ARF3: variants seen among roughly 807,000 people sequenced by gnomAD.
The protein encoded by ARF3 is ADP-ribosylation factor 3.
In ARF3, 5 loss-of-function variants were observed where a neutral mutation model predicts 19.3. That is an observed-to-expected ratio of 0.26 (90% CI 0.14 to 0.54). The LOEUF (loss-of-function observed/expected upper bound fraction) is 0.54, where lower values mean the gene tolerates loss of function less well. Ranked by LOEUF, ARF3 falls within the 20% of genes least tolerant of loss-of-function variation. The pLI, the probability that ARF3 is intolerant of heterozygous loss-of-function variation, is 0.95. For missense variants in ARF3, 77 were observed against 234.2 expected, an observed-to-expected ratio of 0.33 and a Z score of 4.38; for synonymous variants, 71 against 89.2, an observed-to-expected ratio of 0.80 and a Z score of 1.15.
At chr12:48,941,309 T>C (rs1055285521) in intron 1 of ARF3, 121 bp from the exon 2 acceptor site, 15 of 520,446 alleles carry the variant, frequency 2.9e-5, no homozygotes, top group Non-Finnish European at 4.6e-5. Context: ...GAGGGGACTA[T>C]AAATACCAAG....
At chr12:48,953,007 T>A (rs543304803) in intron 1 of ARF3, 1 of 152,324 alleles carries the variant, frequency 6.6e-6, no homozygotes, top group Admixed American at 6.5e-5. Context: ...TATACCATGA[T>A]GAGAAAAAGG....
chr12:48,940,001 G>A lies in ARF3; in HGVS notation c.255C>T (p.Thr85=). 6.2e-7 allele frequency: 1 copy of A among 1,613,974 alleles called. No homozygotes were observed. The highest frequency in any genetic ancestry group is 8.5e-7 in the Non-Finnish European group (1 of 1,179,862). ...RPLWRHYFQN[T]QGLIFVVDSN... Reference sequence around the variant, plus strand: ...CCACGCTAGGCCTGAGCATACCTTGGGTGTTCTGGAAGTAGTGTCTCCAGA... The same window carrying A: ...CCACGCTAGGCCTGAGCATACCTTGAGTGTTCTGGAAGTAGTGTCTCCAGA... The change falls in exon 3 of 5, where the codon ACC becomes ACT. Residue 85 remains threonine, a synonymous_variant. Coordinates refer to ENST00000256682, the MANE Select transcript of ARF3 (RefSeq NM_001659.3).
intron 1 of ARF3, chr12:48,953,026 T>G (rs1039248495): frequency 1.3e-5 from 2 of 152,346 alleles, no homozygotes; most frequent in Admixed American, 1.3e-4. Flanking sequence ...GGCTGGAAAG[T>G]ACCTCACTAG....
Position 48,939,851 on chromosome 12 carries a change from GCCTGACAC to G in ARF3, c.260-80_260-73del. The G allele has an allele frequency of 6.2e-7, 1 of 1,605,552 alleles. No individual in the cohort carries two copies. The highest frequency in any genetic ancestry group is 1.1e-5 in the South Asian group (1 of 90,856). On this transcript the variant is annotated intron_variant, in intron 3 of 4. Coordinates refer to ENST00000256682, the MANE Select transcript of ARF3 (RefSeq NM_001659.3). This position sits in a 1 kb window ranked among gnomAD's most constrained non-coding sequence, Gnocchi z 4.8. The stretch of plus-strand genomic sequence containing the variant: ...TCCCCCCAACCAAAAGACCACACCT[GCCTGACAC>G]CCTCCAAATATTTGCTCCCTTTCCT...
At chr12:48,953,849 C>A (rs1940511733) in intron 1 of ARF3, among the ~76,000 whole-genome samples, 1 of 152,202 alleles carries the variant, frequency 6.6e-6, no homozygotes, top group African/African-American at 2.4e-5. Flanking sequence ...TTTATTAGCA[C>A]TCTATCTATA....
intron 1 of ARF3, among the ~76,000 whole-genome samples, chr12:48,951,317 T>C (rs557934002): frequency 1.3e-5 from 2 of 152,100 alleles, no homozygotes; most frequent in East Asian, 1.9e-4. Context: ...TCCCAGCACT[T>C]TGGGAGGCCA....
chr12:48,945,030 C>T (rs1168523963), intron 1 of ARF3, among the ~76,000 whole-genome samples: 1 of 147,432 alleles, frequency 6.8e-6, no homozygotes, highest in East Asian at 2.0e-4. Flanking sequence ...CGCGCCTGTA[C>T]TCAGGAAGCC....
rs371965904 is a variant in ARF3 at position 48,948,587 on chromosome 12, CG to C, written c.-93-7400del. On this transcript the variant is annotated intron_variant, in intron 1 of 4. Transcript: ENST00000256682. The stretch of plus-strand genomic sequence containing the variant: ...CAGCACTTTGGGAGGCCGAGGTGGG[CG>C]GATCACAAGGTCAGAAGATCAAGAT... Among the ~76,000 whole-genome samples, 209 of 151,960 alleles carry C rather than the reference CG, an allele frequency of 1.4e-3. 1 individual carries two copies. The highest frequency in any genetic ancestry group is 4.9e-3 in the African/African-American group (203 of 41,466).
rs1363125393 is a variant in ARF3 at position 48,957,469 on chromosome 12, A to G, written c.-253T>C. 6.6e-6 allele frequency: 1 copy of G among 152,378 alleles called. No individual in the cohort carries two copies. Among genetic ancestry groups the G allele is most frequent in the Non-Finnish European group, 1.5e-5 (1 of 68,272 alleles). 9.4% of individuals were successfully genotyped at this position (152,378 alleles called of 1,614,324 possible). On this transcript the variant is annotated 5_prime_UTR_variant, in exon 1 of 5. Transcript: ENST00000256682. ...CCTCCACCTAGCACCGGAAGCCGCG[A>G]CGGCGACTGGAGCTGTGCGGCGTAC...
At chr12:48,949,428 T>C (rs1251561027) in intron 1 of ARF3, among the ~76,000 whole-genome samples, 13 of 152,186 alleles carry the variant, frequency 8.5e-5, no homozygotes, top group Non-Finnish European at 1.8e-4. Context: ...GGTTTCACCA[T>C]GTTGGCCAGA....
At chr12:48,950,114 G>T (rs989799554) in intron 1 of ARF3, among the ~76,000 whole-genome samples, 3 of 152,188 alleles carry the variant, frequency 2.0e-5, no homozygotes, top group African/African-American at 7.2e-5. Context: ...ATTCACAGGT[G>T]CCCTCATGGT....
chr12:48,936,311 C>T lies in ARF3; in HGVS notation c.*2636G>A, dbSNP rs1592236866. ...TGAGTTATTAAACATATACAGTCTA[C>T]ATTCCAGAGGAGGAACTGCAGTTAC... On this transcript the variant is annotated 3_prime_UTR_variant, in exon 5 of 5. Transcript: ENST00000256682. 1 of 152,752 alleles carries T rather than the reference C, an allele frequency of 6.5e-6. No individual in the cohort carries two copies. The highest frequency in any genetic ancestry group is 3.4e-3 in the Middle Eastern group (1 of 294). 9.5% of individuals were successfully genotyped at this position (152,752 alleles called of 1,614,324 possible). A position where few individuals can be genotyped will look rare whatever the true frequency, so the allele number is the denominator to read the frequency against.
At chr12:48,949,548 ACTG>A (rs1940425896) in intron 1 of ARF3, among the ~76,000 whole-genome samples, 1 of 150,340 alleles carries the variant, frequency 6.7e-6, no homozygotes, top group African/African-American at 2.5e-5. Flanking sequence ...TTTTATTATT[ACTG>A]TTGTTTTTAG....
chr12:48,941,272 AGTTCATT>A, intron 1 of ARF3, 84 bp from the exon 2 acceptor site: 1 of 720,788 alleles, frequency 1.4e-6, no homozygotes, highest in Non-Finnish European at 2.2e-6. Flanking sequence ...TCATGGCTAG[AGTTCATT>A]CATGACAAAC....
Position 48,938,962 on chromosome 12 carries a change from G to C in ARF3, c.531C>G (p.Leu177=), listed in dbSNP as rs749467572. The change falls in exon 5 of 5, where the codon CTC becomes CTG. Residue 177 remains leucine (L), a synonymous_variant. Coordinates refer to ENST00000256682, the MANE Select transcript of ARF3 (RefSeq NM_001659.3). ...TGTCTGGCTTTCACTTCTTGTTTTTGAGCTGATTGGCCAGCCAGTCCAGGC... is the reference window on the plus strand; with the variant it reads ...TGTCTGGCTTTCACTTCTTGTTTTTCAGCTGATTGGCCAGCCAGTCCAGGC... ...YEGLDWLANQ[L]KNKK 1 of 1,612,204 alleles carries C rather than the reference G, an allele frequency of 6.2e-7. No individual in the cohort carries two copies. The highest frequency in any genetic ancestry group is 8.5e-7 in the Non-Finnish European group (1 of 1,179,908).
chr12:48,950,087 G>A (rs1295016632), intron 1 of ARF3, among the ~76,000 whole-genome samples: 1 of 152,182 alleles, frequency 6.6e-6, no homozygotes, highest in Non-Finnish European at 1.5e-5. Flanking sequence ...TGTTGCCCAC[G>A]ATGAAATACA....
chr12:48,939,586 G>A lies in ARF3; in HGVS notation c.384+69C>T. On this transcript the variant is annotated intron_variant, in intron 4 of 4. Coordinates refer to ENST00000256682, the MANE Select transcript of ARF3 (RefSeq NM_001659.3). The surrounding 1 kb of genome is among the most constrained non-coding windows in gnomAD (Gnocchi z 4.8). ...ACTAAAAGGGTTAACCATATAATAG[G>A]CCCAAGAGCCAACAATTTCCACAGC... is the stretch of plus-strand genomic sequence containing the variant. 1.9e-6 allele frequency: 3 copies of A among 1,606,096 alleles called. No homozygotes were observed. The highest frequency in any genetic ancestry group is 2.6e-6 in the Non-Finnish European group (3 of 1,174,130).
intron 1 of ARF3, chr12:48,956,089 ACTAC>A (rs1246124961): frequency 1.3e-5 from 2 of 152,252 alleles, no homozygotes; most frequent in Admixed American, 6.5e-5. Flanking sequence ...AAAGACTGTT[ACTAC>A]CTACCTGATT....
Position 48,940,931 on chromosome 12 carries a change from C to T in ARF3, c.148+17G>A, listed in dbSNP as rs759581239. 1 of 1,568,932 alleles carries T rather than the reference C, an allele frequency of 6.4e-7. No homozygotes were observed. Among genetic ancestry groups the T allele is most frequent in the South Asian group, 1.2e-5 (1 of 86,072 alleles). ...CAGCTGCCGGCGTGAAAGCCCACAT[C>T]CAAGCTGTGCTCTTACCAATGGTAG... On this transcript the variant is annotated intron_variant, in intron 2 of 4. Coordinates refer to ENST00000256682, the MANE Select transcript of ARF3 (RefSeq NM_001659.3).
Sources: allele counts gnomAD v4.1 joint callset (sites outside exome capture counted in the v4.1 genomes callset), GRCh38; gene constraint gnomAD v4.1.1; non-coding constraint Gnocchi (gnomAD v3.1); transcripts MANE v1.5; gene names NCBI Gene and HGNC (gene_info 2026-07-23, HGNC 2026-07-21).